The following B4GALT5 variants were observed in gnomAD, a reference collection of about 807,000 sequenced individuals.
The protein encoded by B4GALT5 is UDP-Gal:beta-GlcNAc beta-1,4-galactosyltransferase 5.
In B4GALT5, 11 loss-of-function variants were observed where a neutral mutation model predicts 45.0. That is an observed-to-expected ratio of 0.24 (90% confidence interval 0.15 to 0.40). B4GALT5 has a LOEUF of 0.40. B4GALT5 is among the 10% of genes least tolerant of loss of function. The pLI is 1.00. For missense variants in B4GALT5, 337 were observed against 500.2 expected, an observed-to-expected ratio of 0.67 and a Z score of 3.11; for synonymous variants, 185 against 182.9, an observed-to-expected ratio of 1.01 and a Z score of -0.09.
At chr20:49,651,406 T>C (rs533601718) in intron 2 of B4GALT5, among the ~76,000 whole-genome samples, 30 of 151,328 alleles carry the variant, frequency 2.0e-4, no homozygotes, top group Non-Finnish European at 2.5e-4. Flanking sequence ...CTGGCCAACA[T>C]AGTGAAACCC....
intron 1 of B4GALT5, among the ~76,000 whole-genome samples, chr20:49,713,226 G>A (rs190642409): frequency 6.6e-6 from 1 of 151,994 alleles, no homozygotes; most frequent in Admixed American, 6.5e-5. Context: ...AAGGGGAAGC[G>A]GGAGTTCTCG....
chr20:49,695,005 A>G (rs1284026799), intron 1 of B4GALT5, among the ~76,000 whole-genome samples: 1 of 152,078 alleles, frequency 6.6e-6, no homozygotes, highest in Non-Finnish European at 1.5e-5. Context: ...CACTTCTATG[A>G]GCAAACCACA....
chr20:49,658,243 GTC>G (rs1474377657), intron 1 of B4GALT5, among the ~76,000 whole-genome samples: 11 of 152,174 alleles, frequency 7.2e-5, no homozygotes, highest in Admixed American at 6.5e-5. Flanking sequence ...ACTGTGTGAA[GTC>G]TCTGAAAGCA....
intron 6 of B4GALT5, among the ~76,000 whole-genome samples, chr20:49,640,182 G>A (rs930201639): frequency 1.3e-5 from 2 of 152,052 alleles, no homozygotes; most frequent in African/African-American, 2.4e-5. Context: ...TCTACTTTCT[G>A]TCACTATAGA....
chr20:49,657,119 AC>A (rs2085646773), intron 1 of B4GALT5, among the ~76,000 whole-genome samples: 1 of 152,160 alleles, frequency 6.6e-6, no homozygotes, highest in African/African-American at 2.4e-5. Context: ...GAGAAAAGAA[AC>A]CACTGACTCT....
At chr20:49,709,895 A>G (rs1182203066) in intron 1 of B4GALT5, among the ~76,000 whole-genome samples, 1 of 152,232 alleles carries the variant, frequency 6.6e-6, no homozygotes, top group Non-Finnish European at 1.5e-5. Flanking sequence ...CTTATTTAGT[A>G]ATTTTCCTCA....
intron 1 of B4GALT5, among the ~76,000 whole-genome samples, chr20:49,675,519 G>C (rs1329894284): frequency 1.3e-5 from 2 of 152,218 alleles, no homozygotes; most frequent in Admixed American, 6.5e-5. Context: ...AAGGCTCCTG[G>C]GGGTGTTCAA....
At chr20:49,654,865 G>A (rs753998456) in intron 2 of B4GALT5, among the ~76,000 whole-genome samples, 8 of 152,114 alleles carry the variant, frequency 5.3e-5, no homozygotes, top group Non-Finnish European at 7.3e-5. Context: ...TTAGCACTTC[G>A]GGAGGCCAAG....
At chr20:49,674,229 CAAAA>C (rs1377796417) in intron 1 of B4GALT5, among the ~76,000 whole-genome samples, 1 of 64,184 alleles carries the variant, frequency 1.6e-5, no homozygotes, top group Non-Finnish European at 3.2e-5. Flanking sequence ...GACTCCATCT[CAAAA>C]AAAAAAAAAA....
intron 2 of B4GALT5, 46 bp downstream of exon 2, chr20:49,656,522 T>C (rs1436973119): frequency 2.7e-5 from 44 of 1,607,184 alleles, no homozygotes; most frequent in Non-Finnish European, 3.5e-5. Flanking sequence ...TTACCTCTCT[T>C]GGGAGGAGAC....
chr20:49,679,253 G>T (rs1327173305), intron 1 of B4GALT5, among the ~76,000 whole-genome samples: 1 of 152,016 alleles, frequency 6.6e-6, no homozygotes, highest in Non-Finnish European at 1.5e-5. Context: ...GACTAAAAAG[G>T]GTTTTTTGCT....
intron 1 of B4GALT5, among the ~76,000 whole-genome samples, chr20:49,688,194 G>A (rs1466823658): frequency 6.6e-6 from 1 of 152,194 alleles, no homozygotes; most frequent in East Asian, 1.9e-4. Flanking sequence ...AAAGAACTGA[G>A]TGTTTTACCC....
At chr20:49,711,607 T>C (rs1480370015) in intron 1 of B4GALT5, among the ~76,000 whole-genome samples, 1 of 152,214 alleles carries the variant, frequency 6.6e-6, no homozygotes, top group African/African-American at 2.4e-5. Flanking sequence ...TAATGAACTC[T>C]TTTCTCAGTT....
rs565663591 is a variant in B4GALT5 at position 49,649,780 on chromosome 20, T to C, written c.251-2702A>G. On this transcript the variant is annotated intron_variant, in intron 2 of 8. Coordinates refer to ENST00000371711, the MANE Select transcript of B4GALT5 (RefSeq NM_004776.4). Reference sequence around the variant, plus strand: ...AGGATGAATCTAATAGATGAAATTATTCTCCTTTAGAAAAAAATTAAAAGA... The same window carrying C: ...AGGATGAATCTAATAGATGAAATTACTCTCCTTTAGAAAAAAATTAAAAGA... Among the ~76,000 whole-genome samples, 29 of 152,290 alleles carry C rather than the reference T, an allele frequency of 1.9e-4. 1 individual carries two copies. The highest frequency in any genetic ancestry group is 6.5e-4 in the African/African-American group (27 of 41,564).
intron 1 of B4GALT5, among the ~76,000 whole-genome samples, chr20:49,668,556 A>C (rs1222151189): frequency 6.8e-6 from 1 of 147,138 alleles, no homozygotes; most frequent in Admixed American, 6.7e-5. Context: ...ATTGAAACTG[A>C]ACACGTACAC....
chr20:49,679,236 T>C (rs2085753982), intron 1 of B4GALT5, among the ~76,000 whole-genome samples: 1 of 152,106 alleles, frequency 6.6e-6, no homozygotes, highest in African/African-American at 2.4e-5. Flanking sequence ...TCTCCCCCAA[T>C]TTTTTTGACT....
At position 49,679,924 on chromosome 20, in the gene B4GALT5, G is replaced by A. The variant is rs16994777; in HGVS notation, c.116-23222C>T. ...AAATATTACAGGACTTGGCCCCTAA[G>A]CTCAGCAATTTGTCAAATGAGTAAG... On this transcript the variant is annotated intron_variant, in intron 1 of 8. Transcript: ENST00000371711. Among the ~76,000 whole-genome samples, 1,243 of 152,236 alleles carry A rather than the reference G, an allele frequency of 8.2e-3. 23 individuals are homozygous for A. The highest frequency in any genetic ancestry group is 0.029 in the African/African-American group (1,200 of 41,540).
chr20:49,647,106 C>A, intron 2 of B4GALT5, 28 bp from the exon 3 acceptor site: 1 of 1,443,694 alleles, frequency 6.9e-7, no homozygotes. Flanking sequence ...AAAAGTCGAT[C>A]AGACTGGTAT....
intron 4 of B4GALT5, 83 bp from the exon 5 acceptor site, chr20:49,642,667 C>A: frequency 1.1e-6 from 1 of 920,396 alleles, no homozygotes; most frequent in East Asian, 2.4e-5. Flanking sequence ...GAATTGCTGA[C>A]CAACCCATGG....
Sources: allele counts gnomAD v4.1 joint callset (sites outside exome capture counted in the v4.1 genomes callset), GRCh38; gene constraint gnomAD v4.1.1; transcripts MANE v1.5; gene names NCBI Gene and HGNC (gene_info 2026-07-23, HGNC 2026-07-21).